Variants in GRIK1 observed in about 807,000 individuals in gnomAD.
GRIK1 encodes glutamate ionotropic receptor kainate type subunit 1.
In GRIK1, 69 loss-of-function variants were observed where a neutral mutation model predicts 105.7. The observed-to-expected ratio is 0.65, with a 90% CI of 0.54 to 0.80. GRIK1 has a LOEUF of 0.80. Ranked by LOEUF, GRIK1 falls within the 30% of genes least tolerant of loss-of-function variation. The probability of loss-of-function intolerance (pLI) is 0.00; values close to 1 mark genes in which losing one functional copy is unlikely to be tolerated. For synonymous variants in GRIK1, 438 were observed against 431.3 expected (o/e 1.02, Z -0.19); for missense variants, 1,109 against 1,167.3 (o/e 0.95, Z 0.73).
At chr21:29,829,531 T>C (rs1251792607) in intron 1 of GRIK1, among the ~76,000 whole-genome samples, 3 of 152,154 alleles carry the variant, frequency 2.0e-5, no homozygotes, top group East Asian at 3.9e-4. Context: ...TGTTTGATGG[T>C]GACAAAAATA....
At chr21:29,933,999 A>AATATAAATT (rs3831792) in intron 1 of GRIK1, among the ~76,000 whole-genome samples, 1 of 151,380 alleles carries the variant, frequency 6.6e-6, no homozygotes, top group Non-Finnish European at 1.5e-5. Context: ...AAAATTTTAG[A>AATATAAATT]ATATTTCCTA....
chr21:29,678,512 T>C (rs1368119381), intron 3 of GRIK1, among the ~76,000 whole-genome samples: 2 of 152,126 alleles, frequency 1.3e-5, no homozygotes, highest in Non-Finnish European at 2.9e-5. Flanking sequence ...GTTTCAACAG[T>C]AGCTAAAAAG....
intron 1 of GRIK1, among the ~76,000 whole-genome samples, chr21:29,925,090 T>C (rs1271438198): frequency 1.3e-5 from 2 of 152,256 alleles, no homozygotes; most frequent in Non-Finnish European, 2.9e-5. Flanking sequence ...TACTACGTGA[T>C]GCCTTGTCAT....
chr21:29,615,450 C>T (rs2061828502), intron 7 of GRIK1, among the ~76,000 whole-genome samples: 1 of 152,170 alleles, frequency 6.6e-6, no homozygotes, highest in Admixed American at 6.5e-5. Context: ...GCTGGGATTA[C>T]AGGCACCTGC....
chr21:29,564,129 T>A (rs1381152840), intron 14 of GRIK1, among the ~76,000 whole-genome samples: 1 of 152,204 alleles, frequency 6.6e-6, no homozygotes, highest in Non-Finnish European at 1.5e-5. Flanking sequence ...AAACATTAAA[T>A]TTTTTCACCA....
intron 1 of GRIK1, among the ~76,000 whole-genome samples, chr21:29,924,284 C>T (rs1021883014): frequency 2.7e-5 from 4 of 150,798 alleles, no homozygotes; most frequent in Admixed American, 6.6e-5. Flanking sequence ...TTGCAGTGAG[C>T]CGAGATCATG....
chr21:29,596,368 T>C, intron 9 of GRIK1, 158 bp downstream of exon 9: 1 of 750,648 alleles, frequency 1.3e-6, no homozygotes, highest in Non-Finnish European at 2.5e-6. Flanking sequence ...TTGAGAGAGA[T>C]AACATATTCA....
intron 16 of GRIK1, among the ~76,000 whole-genome samples, chr21:29,540,494 C>T (rs1177235439): frequency 1.3e-5 from 2 of 152,118 alleles, no homozygotes; most frequent in Admixed American, 6.5e-5. Flanking sequence ...CCTCTCCCAG[C>T]CATGAGCTTG....
At chr21:29,601,207 T>A (rs1245661674) in intron 7 of GRIK1, 1 of 509,480 alleles carries the variant, frequency 2.0e-6, no homozygotes, top group Non-Finnish European at 4.0e-6. Context: ...GAAGAGAGCA[T>A]TTACTCTCTG....
In GRIK1 at chr21:29,643,983, T is replaced by G. The variant is rs182037280; in HGVS notation, c.955-1014A>C. 8.5e-5 allele frequency among the ~76,000 whole-genome samples: 13 copies of G among 152,240 alleles called. No homozygotes were observed. The East Asian group carries it at 2.3e-3, about 27-fold the overall frequency. On this transcript the variant is annotated intron_variant, in intron 6 of 17. Transcript: ENST00000327783. ...ATCATAGTGAGAAATCCCAGAGATG[T>G]CACTACTTCTGCTTATTATTTCTGG...
chr21:29,898,932 A>G (rs2070281841), intron 1 of GRIK1, among the ~76,000 whole-genome samples: 1 of 151,892 alleles, frequency 6.6e-6, no homozygotes, highest in Non-Finnish European at 1.5e-5. Context: ...AGATCACGTC[A>G]TTGCACTCCA....
At chr21:29,642,031 A>G (rs1410676505) in intron 7 of GRIK1, among the ~76,000 whole-genome samples, 2 of 152,240 alleles carry the variant, frequency 1.3e-5, no homozygotes, top group Non-Finnish European at 2.9e-5. Context: ...GAGAAATATT[A>G]GAATAGCATC....
At chr21:29,594,002 G>T (rs1321070115) in intron 9 of GRIK1, among the ~76,000 whole-genome samples, 1 of 152,132 alleles carries the variant, frequency 6.6e-6, no homozygotes, top group East Asian at 1.9e-4. Flanking sequence ...ATGAGAAAAG[G>T]GTGACCATTT....
intron 1 of GRIK1, among the ~76,000 whole-genome samples, chr21:29,858,066 A>G (rs1047974786): frequency 6.6e-6 from 1 of 151,998 alleles, no homozygotes; most frequent in African/African-American, 2.4e-5. Flanking sequence ...ACGCCTGGCT[A>G]AATCTTGTGT....
At chr21:29,845,874 A>G (rs1481504597) in intron 1 of GRIK1, among the ~76,000 whole-genome samples, 1 of 152,170 alleles carries the variant, frequency 6.6e-6, no homozygotes, top group Non-Finnish European at 1.5e-5. Context: ...GCCTTGATTC[A>G]GCATGTGGCC....
At chr21:29,596,097 C>G in intron 9 of GRIK1, 1 of 307,890 alleles carries the variant, frequency 3.2e-6, no homozygotes, top group African/African-American at 2.2e-5. Context: ...CAGGAGGTGT[C>G]CTAGCCTTCT....
intron 1 of GRIK1, among the ~76,000 whole-genome samples, chr21:29,764,963 C>A (rs752951264): frequency 6.6e-6 from 1 of 151,910 alleles, no homozygotes; most frequent in Non-Finnish European, 1.5e-5. Flanking sequence ...CATTCCAAGC[C>A]CTTTTAGATG....
At position 29,560,519 on chromosome 21, in the gene GRIK1, C is replaced by CCTTCCTTCCTTTCTTT. The variant is rs2090436242; in HGVS notation, c.2356+1104_2356+1105insAAAGAAAGGAAGGAAG. Among the ~76,000 whole-genome samples, 5 of 57,812 alleles carry CCTTCCTTCCTTTCTTT rather than the reference C, an allele frequency of 8.6e-5. 1 individual carries two copies. The highest frequency in any genetic ancestry group is 9.1e-5 in the Non-Finnish European group (3 of 32,896). 37.9% of individuals were successfully genotyped at this position (57,812 alleles called of 152,430 possible). A position where few individuals can be genotyped will look rare whatever the true frequency, so the allele number is the denominator to read the frequency against. On this transcript the variant is annotated intron_variant, in intron 15 of 17. Coordinates refer to ENST00000327783, the MANE Select transcript of GRIK1 (RefSeq NM_001330994.2). Reference sequence around the variant, plus strand: ...TCTTTCCTTCCTTCCTTCCTTCCTTCCTTTCTTTCTTTCTTTCTTTCTTTC... The same window carrying CCTTCCTTCCTTTCTTT: ...TCTTTCCTTCCTTCCTTCCTTCCTTCCTTCCTTCCTTTCTTTCTTTCTTTCTTTCTTTCTTTCTTTC...
At chr21:29,915,153 A>G (rs537421291) in intron 1 of GRIK1, among the ~76,000 whole-genome samples, 1 of 151,842 alleles carries the variant, frequency 6.6e-6, no homozygotes, top group South Asian at 2.1e-4. Context: ...TATTCTGTTA[A>G]TTCTTTTCCA....
Sources: allele counts gnomAD v4.1 joint callset (sites outside exome capture counted in the v4.1 genomes callset), GRCh38; gene constraint gnomAD v4.1.1; transcripts MANE v1.5; gene names NCBI Gene and HGNC (gene_info 2026-07-23, HGNC 2026-07-21).